Variants in CREB5 observed in about 807,000 individuals in gnomAD.
CREB5 encodes cAMP responsive element binding protein 5.
CREB5 carries 19 observed loss-of-function variants against 57.1 expected under a neutral mutation model. The observed-to-expected ratio is 0.33, with a 90% CI of 0.23 to 0.49. The LOEUF is 0.49. Ranked by LOEUF, CREB5 falls within the 20% of genes least tolerant of loss-of-function variation. CREB5 has a pLI of 0.99. For synonymous variants in CREB5, 238 were observed against 238.3 expected (o/e 1.00, Z 0.01); for missense variants, 579 against 671.6 (o/e 0.86, Z 1.52).
At chr7:28,674,962 A>G (rs1562564423) in intron 5 of CREB5, among the ~76,000 whole-genome samples, 1 of 151,798 alleles carries the variant, frequency 6.6e-6, no homozygotes, top group Non-Finnish European at 1.5e-5. Context: ...CCTTCCCTCC[A>G]AGGTCTTCTT....
chr7:28,345,161 C>A (rs1786020036), intron 1 of CREB5, among the ~76,000 whole-genome samples: 1 of 152,052 alleles, frequency 6.6e-6, no homozygotes, highest in Admixed American at 6.6e-5. Flanking sequence ...ACAAAATAGA[C>A]CTAATAGATA....
intron 1 of CREB5, among the ~76,000 whole-genome samples, chr7:28,367,930 C>T (rs1336525664): frequency 3.3e-5 from 5 of 152,202 alleles, no homozygotes. Context: ...TAAGATGCCA[C>T]CATCATGGCT....
At chr7:28,707,143 G>A (rs951149507) in intron 5 of CREB5, among the ~76,000 whole-genome samples, 6 of 152,060 alleles carry the variant, frequency 3.9e-5, no homozygotes, top group African/African-American at 9.7e-5. Flanking sequence ...CATACCCCTC[G>A]GAGAGGCTGG....
chr7:28,328,862 T>C (rs1218857659), intron 1 of CREB5, among the ~76,000 whole-genome samples: 1 of 152,204 alleles, frequency 6.6e-6, no homozygotes, highest in Non-Finnish European at 1.5e-5. Flanking sequence ...GCTTAGGGTA[T>C]TGAGAGGGCT....
At chr7:28,318,436 T>C (rs896168295) in intron 1 of CREB5, among the ~76,000 whole-genome samples, 36 of 152,268 alleles carry the variant, frequency 2.4e-4, no homozygotes, top group African/African-American at 8.7e-4. Flanking sequence ...AAAATTATTT[T>C]CTAAGTTTCA....
rs558773818 is a variant in CREB5 at position 28,823,032 on chromosome 7, T to A, written c.*3753T>A. The A allele has an allele frequency of 6.6e-6, 1 of 152,660 alleles. No homozygotes were observed. Among genetic ancestry groups the A allele is most frequent in the African/African-American group, 2.4e-5 (1 of 41,460 alleles). 9.5% of individuals were successfully genotyped at this position (152,660 alleles called of 1,614,324 possible). A position where few individuals can be genotyped will look rare whatever the true frequency, so the allele number is the denominator to read the frequency against. On this transcript the variant is annotated 3_prime_UTR_variant, in exon 11 of 11. Transcript: ENST00000357727. ...AAACAAAATGGAGAGCGTATTCTGA[T>A]AGAAGGACGTCGACGGTGAATGTTC...
intron 9 of CREB5, among the ~76,000 whole-genome samples, chr7:28,810,939 C>T (rs962777279): frequency 2.0e-5 from 3 of 152,066 alleles, no homozygotes; most frequent in Non-Finnish European, 4.4e-5. Flanking sequence ...TTCATTTTTC[C>T]CCCTAAATGT....
chr7:28,433,552 G>T (rs1212198305), intron 1 of CREB5, among the ~76,000 whole-genome samples: 1 of 152,056 alleles, frequency 6.6e-6, no homozygotes, highest in East Asian at 1.9e-4. Context: ...GCTCAGTCTA[G>T]ATTTAAACTC....
chr7:28,770,538 T>C (rs1562629193), intron 7 of CREB5, among the ~76,000 whole-genome samples: 1 of 152,230 alleles, frequency 6.6e-6, no homozygotes, highest in East Asian at 1.9e-4. Flanking sequence ...TTTTTATCTG[T>C]TAGTCCACTT....
chr7:28,475,171 A>G (rs1192402058), intron 1 of CREB5, among the ~76,000 whole-genome samples: 1 of 150,814 alleles, frequency 6.6e-6, no homozygotes, highest in Non-Finnish European at 1.5e-5. Flanking sequence ...CAAGAGGCTG[A>G]AATGACCAGA....
intron 5 of CREB5, among the ~76,000 whole-genome samples, chr7:28,610,142 T>C (rs1797326396): frequency 6.6e-6 from 1 of 152,122 alleles, no homozygotes; most frequent in African/African-American, 2.4e-5. Flanking sequence ...GGCCCTGGGG[T>C]ACAGCTTTTA....
intron 1 of CREB5, among the ~76,000 whole-genome samples, chr7:28,454,397 G>C (rs771000098): frequency 8.5e-5 from 13 of 152,160 alleles, no homozygotes; most frequent in Admixed American, 2.0e-4. Context: ...GCCTGAGTGT[G>C]GCTCCAGAGG....
chr7:28,338,362 C>T (rs545282291), intron 1 of CREB5, among the ~76,000 whole-genome samples: 1 of 152,208 alleles, frequency 6.6e-6, no homozygotes, highest in Non-Finnish European at 1.5e-5. Flanking sequence ...ATTTCTCCTT[C>T]ATGTTTGAGG....
At chr7:28,623,550 C>A (rs1022273767) in intron 5 of CREB5, among the ~76,000 whole-genome samples, 3 of 152,164 alleles carry the variant, frequency 2.0e-5, no homozygotes, top group South Asian at 4.1e-4. Flanking sequence ...GTATGTATTA[C>A]AGCAAAGTCA....
chr7:28,730,593 G>A (rs1361185297), intron 7 of CREB5, among the ~76,000 whole-genome samples: 1 of 152,112 alleles, frequency 6.6e-6, no homozygotes, highest in Non-Finnish European at 1.5e-5. Context: ...CCAAGCACTG[G>A]GCTCCTGGTT....
At chr7:28,479,148 C>T (rs1483731226) in intron 1 of CREB5, among the ~76,000 whole-genome samples, 1 of 152,104 alleles carries the variant, frequency 6.6e-6, no homozygotes, top group Non-Finnish European at 1.5e-5. Flanking sequence ...TCTTAATCTG[C>T]CTTTTACCCT....
intron 1 of CREB5, among the ~76,000 whole-genome samples, chr7:28,327,742 T>C (rs1372832248): frequency 1.3e-5 from 2 of 152,220 alleles, no homozygotes; most frequent in Non-Finnish European, 2.9e-5. Flanking sequence ...TCTGTAAATA[T>C]AGGTTCTCAG....
intron 1 of CREB5, among the ~76,000 whole-genome samples, chr7:28,354,669 ACT>A (rs1373072732): frequency 3.3e-5 from 5 of 152,148 alleles, no homozygotes; most frequent in African/African-American, 1.2e-4. Context: ...CCTGTGCCAG[ACT>A]CTGTTGGTTG....
chr7:28,518,715 G>A (rs867251276), intron 4 of CREB5, among the ~76,000 whole-genome samples: 4 of 152,078 alleles, frequency 2.6e-5, no homozygotes, highest in Non-Finnish European at 5.9e-5. Context: ...TCAGTGTGTC[G>A]TGCCCAAGAG....
Sources: gnomAD v4.1 joint callset for allele counts (sites outside exome capture counted in the v4.1 genomes callset) on GRCh38, gnomAD v4.1.1 for gene constraint, MANE v1.5 for transcripts, NCBI Gene and HGNC (gene_info 2026-07-23, HGNC 2026-07-21) for gene names.